GPR173: variants seen among roughly 807,000 people sequenced by gnomAD.
GPR173 encodes the protein probable G protein-coupled receptor 173.
In GPR173, 2 loss-of-function variants were observed where a neutral mutation model predicts 13.9. The ratio of observed to expected loss-of-function variants is 0.14; its 90% CI spans 0.06 to 0.45. The LOEUF (loss-of-function observed/expected upper bound fraction) is 0.45, where lower values mean the gene tolerates loss of function less well. Ranked by LOEUF, GPR173 falls within the 20% of genes least tolerant of loss-of-function variation. GPR173 has a pLI of 0.98. For missense variants in GPR173, 202 were observed against 340.5 expected, an observed-to-expected ratio of 0.59 and a Z score of 3.20; for synonymous variants, 131 against 141.0, an observed-to-expected ratio of 0.93 and a Z score of 0.50.
chrX:53,080,346 T>C lies in GPR173; in HGVS notation c.*2603T>C. ...GGTTATTCTCTCAGGTGCACAGAAT[T>C]GAGTTGACCATACTCCTCAGTTCTT... On this transcript the variant is annotated 3_prime_UTR_variant, in exon 2 of 2. Transcript: ENST00000332582. 8.2e-6 allele frequency: 1 copy of C among 121,985 alleles called. No homozygotes were observed. Among genetic ancestry groups the C allele is most frequent in the South Asian group, 3.9e-4 (1 of 2,585 alleles). The allele number at this position is 121,985 out of a possible 1,213,427, so 10.1% of individuals were successfully genotyped here. A position where few individuals can be genotyped will look rare whatever the true frequency, so the allele number is the denominator to read the frequency against.
At chrX:53,069,288 CAG>C (rs1932228286) in intron 1 of GPR173, among the ~76,000 whole-genome samples, 1 of 94,422 alleles carries the variant, frequency 1.1e-5, no homozygotes, top group Admixed American at 1.1e-4. Context: ...AAAAAAAAAA[CAG>C]AAAAGAAAAC....
At chrX:53,063,646 C>G (rs1932155547) in intron 1 of GPR173, among the ~76,000 whole-genome samples, 1 of 111,683 alleles carries the variant, frequency 9.0e-6, no homozygotes, top group Non-Finnish European at 1.9e-5. Flanking sequence ...CTGTACATAG[C>G]CAAAAGTAGT....
chrX:53,062,803 G>A (rs782221403), intron 1 of GPR173, among the ~76,000 whole-genome samples: 3 of 109,727 alleles, frequency 2.7e-5, no homozygotes, highest in East Asian at 5.7e-4. Flanking sequence ...TCAGCCTCTC[G>A]AACTGCTGGG....
At position 53,079,452 on chromosome X, in the gene GPR173, G is replaced by C. The variant is rs1285720231; in HGVS notation, c.*1709G>C. On this transcript the variant is annotated 3_prime_UTR_variant, in exon 2 of 2. Coordinates refer to ENST00000332582, the MANE Select transcript of GPR173 (RefSeq NM_018969.6). ...GAGGGGGTGGGGTGGGAAGACCAAG[G>C]GGGTGGGGGGTAGATAGGGTACATT... 1 of 117,473 alleles carries C rather than the reference G, an allele frequency of 8.5e-6. No individual in the cohort carries two copies. The highest frequency in any genetic ancestry group is 1.9e-5 in the Non-Finnish European group (1 of 51,757). The allele number at this position is 117,473 out of a possible 1,213,427, so 9.7% of individuals were successfully genotyped here.
chrX:53,051,367 C>A (rs1224287168), intron 1 of GPR173, among the ~76,000 whole-genome samples: 1 of 110,857 alleles, frequency 9.0e-6, no homozygotes, highest in Non-Finnish European at 1.9e-5. Flanking sequence ...TCTGAAGAAG[C>A]ATTTGGTGTG....
At chrX:53,052,840 GTGTGTGTGAGGA>G (rs1164232676) in intron 1 of GPR173, among the ~76,000 whole-genome samples, 31 of 99,884 alleles carry the variant, frequency 3.1e-4, no homozygotes, top group South Asian at 4.4e-4. Context: ...GTTTAAGTGT[GTGTGTGTGAGGA>G]TGTGTGTGAG....
intron 1 of GPR173, among the ~76,000 whole-genome samples, chrX:53,073,780 T>A (rs1386189139): frequency 1.3e-5 from 1 of 79,735 alleles, no homozygotes; most frequent in African/African-American, 4.7e-5. Flanking sequence ...TATAAAATTA[T>A]ATATATATAA....
intron 1 of GPR173, among the ~76,000 whole-genome samples, chrX:53,052,600 CACGT>C (rs1264110557): frequency 3.0e-5 from 3 of 100,914 alleles, no homozygotes; most frequent in Non-Finnish European, 4.0e-5. Flanking sequence ...TCCACACACA[CACGT>C]GTGTGTGTGT....
At chrX:53,074,033 A>AAT (rs1275729969) in intron 1 of GPR173, among the ~76,000 whole-genome samples, 1 of 31,917 alleles carries the variant, frequency 3.1e-5, no homozygotes. Flanking sequence ...TTTATATATA[A>AAT]ATATATAAAT....
At chrX:53,056,995 T>C (rs1932048072) in intron 1 of GPR173, among the ~76,000 whole-genome samples, 1 of 112,029 alleles carries the variant, frequency 8.9e-6, no homozygotes, top group Non-Finnish European at 1.9e-5. Context: ...CGAATCCTAG[T>C]TCTGCCATTT....
At chrX:53,058,424 CGTGTGTGTGTGTGT>C (rs112505843) in intron 1 of GPR173, among the ~76,000 whole-genome samples, 87 of 100,952 alleles carry the variant, frequency 8.6e-4, no homozygotes, top group Non-Finnish European at 1.4e-3. Context: ...TCCAGGTGCA[CGTGTGTGTGTGTGT>C]GTGTGTGTGT....
intron 1 of GPR173, among the ~76,000 whole-genome samples, chrX:53,069,345 C>A (rs1234457163): frequency 1.8e-5 from 2 of 110,352 alleles, no homozygotes; most frequent in Non-Finnish European, 3.8e-5. Flanking sequence ...ACTCCAAAAC[C>A]TCACTGATGA....
chrX:53,057,051 C>T (rs1932048555), intron 1 of GPR173, among the ~76,000 whole-genome samples: 1 of 111,742 alleles, frequency 8.9e-6, no homozygotes, highest in African/African-American at 3.3e-5. Context: ...CAACAAAGCC[C>T]CATTGTCTTA....
At chrX:53,070,678 T>G (rs1556804690) in intron 1 of GPR173, among the ~76,000 whole-genome samples, 1 of 109,246 alleles carries the variant, frequency 9.2e-6, no homozygotes, top group African/African-American at 3.3e-5. Flanking sequence ...GAGACAGAGT[T>G]TCACCATGTT....
intron 1 of GPR173, among the ~76,000 whole-genome samples, chrX:53,059,067 G>A (rs1217692592): frequency 2.8e-5 from 3 of 107,000 alleles, no homozygotes; most frequent in African/African-American, 1.0e-4. Context: ...GGCTAACATG[G>A]TGAAACCCCG....
rs1028567747 is a variant in GPR173, at chrX:53,078,892, G to A, written c.*1149G>A. ...CTTTTTGTCCCCCTCAAGCCTCAGG[G>A]GCCTCAAGCCCCTCCTTAGTAGCCC... On this transcript the variant is annotated 3_prime_UTR_variant, in exon 2 of 2. Coordinates refer to ENST00000332582, the MANE Select transcript of GPR173 (RefSeq NM_018969.6). 4.9e-5 allele frequency: 6 copies of A among 122,862 alleles called. No individual in the cohort carries two copies. Among genetic ancestry groups the A allele is most frequent in the Non-Finnish European group, 1.1e-4 (6 of 53,122 alleles). The allele number at this position is 122,862 out of a possible 1,213,427, so 10.1% of individuals were successfully genotyped here.
chrX:53,070,969 C>CT (rs1210687869), intron 1 of GPR173: 26,345 of 94,641 alleles, frequency 0.28, 4,327 homozygotes, highest in African/African-American at 0.56. Flanking sequence ...CTCCCAATGT[C>CT]TTTTTTTTTT....
chrX:53,056,278 T>C (rs782398904), intron 1 of GPR173, among the ~76,000 whole-genome samples: 1 of 109,307 alleles, frequency 9.1e-6, no homozygotes, highest in Non-Finnish European at 1.9e-5. Flanking sequence ...TGTGAGAGGG[T>C]GTGGGTGTAT....
At chrX:53,054,054 T>C (rs1477858214) in intron 1 of GPR173, among the ~76,000 whole-genome samples, 1 of 111,825 alleles carries the variant, frequency 8.9e-6, no homozygotes, top group Non-Finnish European at 1.9e-5. Context: ...TAAATAGTTT[T>C]CACTGAGAGG....
Sources: gnomAD v4.1 joint callset for allele counts (sites outside exome capture counted in the v4.1 genomes callset) on GRCh38, gnomAD v4.1.1 for gene constraint, MANE v1.5 for transcripts, NCBI Gene and HGNC (gene_info 2026-07-23, HGNC 2026-07-21) for gene names.